MYO10: variants seen among roughly 807,000 people sequenced by gnomAD.
MYO10 encodes the protein unconventional myosin-X.
MYO10 carries 133 observed loss-of-function variants against 257.3 expected under a neutral mutation model. The ratio of observed to expected loss-of-function variants is 0.52; its 90% confidence interval spans 0.45 to 0.60. The LOEUF (loss-of-function observed/expected upper bound fraction) is 0.60, where lower values mean the gene tolerates loss of function less well. MYO10 is among the 20% of genes least tolerant of loss of function. The probability of loss-of-function intolerance (pLI) is 0.00; values close to 1 mark genes in which losing one functional copy is unlikely to be tolerated. For synonymous variants in MYO10, 1,104 were observed against 1,028.6 expected, an observed-to-expected ratio of 1.07 and a Z score of -1.40; for missense variants, 2,399 against 2,635.7, an observed-to-expected ratio of 0.91 and a Z score of 1.97.
intron 2 of MYO10, among the ~76,000 whole-genome samples, chr5:16,874,095 G>A (rs1744523731): frequency 6.6e-6 from 1 of 152,136 alleles, no homozygotes; most frequent in Admixed American, 6.5e-5. Flanking sequence ...AACACTTTGG[G>A]AGGCCAACGT....
intron 2 of MYO10, among the ~76,000 whole-genome samples, chr5:16,849,970 A>AT (rs1461662993): frequency 6.6e-6 from 1 of 152,302 alleles, no homozygotes; most frequent in Admixed American, 6.5e-5. Flanking sequence ...GATGGCTTAG[A>AT]TTTTTCTTTA....
chr5:16,915,949 T>G (rs1745803116), intron 1 of MYO10: 4 of 420,512 alleles, frequency 9.5e-6, no homozygotes, highest in Non-Finnish European at 1.9e-5. Context: ...AGAGCGAGAC[T>G]CTACGTCAAA....
At chr5:16,803,410 T>A (rs568203504) in intron 3 of MYO10, among the ~76,000 whole-genome samples, 1 of 151,888 alleles carries the variant, frequency 6.6e-6, no homozygotes, top group South Asian at 2.1e-4. Context: ...CCTGACAGAG[T>A]GAGACCCTAT....
At chr5:16,791,501 A>C (rs113342530) in intron 4 of MYO10, among the ~76,000 whole-genome samples, 2 of 151,964 alleles carry the variant, frequency 1.3e-5, no homozygotes, top group African/African-American at 2.4e-5. Flanking sequence ...CCTTATTTTT[A>C]AATACCATGA....
intron 9 of MYO10, among the ~76,000 whole-genome samples, chr5:16,770,767 CT>C (rs144856705): frequency 3.3e-5 from 5 of 151,994 alleles, no homozygotes; most frequent in East Asian, 1.9e-4. Context: ...ATTTCTTTCC[CT>C]TTTTTTTGTT....
intron 2 of MYO10, among the ~76,000 whole-genome samples, chr5:16,874,344 C>CGGGGGGGGGG (rs61697249): frequency 7.0e-5 from 2 of 28,446 alleles, no homozygotes; most frequent in African/African-American, 1.0e-4. Flanking sequence ...AAAAAAAAAG[C>CGGGGGGGGGG]GGGGGGGGGG....
intron 2 of MYO10, among the ~76,000 whole-genome samples, chr5:16,821,002 TAA>T (rs1439884186): frequency 6.8e-6 from 1 of 147,634 alleles, no homozygotes; most frequent in African/African-American, 2.5e-5. Context: ...TCTTATATCT[TAA>T]GATACCTTAT....
rs1387847277 is a variant in MYO10 at position 16,853,314 on chromosome 5, C to A, written c.120+24295G>T. ...GCATGAACCCGAGAGGCGGAGCTTG[C>A]AGTGAGCTGAGATCGCGCCACTGCA... is the stretch of plus-strand genomic sequence containing the variant. On this transcript the variant is annotated intron_variant, in intron 2 of 40. Transcript: ENST00000513610. 2.0e-5 allele frequency among the ~76,000 whole-genome samples: 3 copies of A among 150,858 alleles called. No individual in the cohort carries two copies. The Admixed American group carries it at 2.0e-4, about 10-fold the overall frequency.
intron 1 of MYO10, among the ~76,000 whole-genome samples, chr5:16,918,800 C>A (rs1224861099): frequency 6.6e-6 from 1 of 152,092 alleles, no homozygotes; most frequent in Non-Finnish European, 1.5e-5. Context: ...CGCGCCTGGC[C>A]CACTGAAAGT....
At chr5:16,768,864 T>C (rs1364193497) in intron 10 of MYO10, among the ~76,000 whole-genome samples, 2 of 151,748 alleles carry the variant, frequency 1.3e-5, no homozygotes, top group African/African-American at 2.4e-5. Flanking sequence ...TTAGTAGAGA[T>C]GGGGTTTGGC....
At chr5:16,683,828 G>A (rs1486759920) in intron 30 of MYO10, 52 bp downstream of exon 30, 24 of 1,572,950 alleles carry the variant, frequency 1.5e-5, no homozygotes, top group Non-Finnish European at 1.8e-5. Context: ...AGACACCTGT[G>A]GACACACACA....
chr5:16,786,967 G>C (rs531137909), intron 4 of MYO10, among the ~76,000 whole-genome samples: 1 of 152,088 alleles, frequency 6.6e-6, no homozygotes, highest in Non-Finnish European at 1.5e-5. Flanking sequence ...TCAGGAGTTC[G>C]AGGCCAGCCT....
intron 3 of MYO10, among the ~76,000 whole-genome samples, chr5:16,808,646 C>G (rs574705662): frequency 6.6e-6 from 1 of 152,192 alleles, no homozygotes; most frequent in South Asian, 2.1e-4. Flanking sequence ...GACTAAAATT[C>G]TCTCCTGATT....
intron 19 of MYO10, among the ~76,000 whole-genome samples, chr5:16,748,012 C>A: frequency 6.7e-6 from 1 of 150,348 alleles, no homozygotes; most frequent in Admixed American, 6.6e-5. Context: ...ACATGGGACC[C>A]AAAATTCAAG....
Position 16,668,267 on chromosome 5 carries a change from T to TGC in MYO10, c.6075+8_6075+9dup. The TGC allele has an allele frequency of 6.3e-7, 1 of 1,594,838 alleles. No homozygotes were observed. On this transcript the variant is annotated intron_variant, in intron 40 of 40. Coordinates refer to ENST00000513610, the MANE Select transcript of MYO10 (RefSeq NM_012334.3). ...CATGAATAAAAAGATGAACTTGCTTTGCCTCTTACCTCACTGGTTTCAAAG... is the reference window on the plus strand; with the variant it reads ...CATGAATAAAAAGATGAACTTGCTTTGCGCCTCTTACCTCACTGGTTTCAAAG...
chr5:16,675,966 TAA>T, intron 34 of MYO10, 63 bp downstream of exon 34: 2 of 1,522,072 alleles, frequency 1.3e-6, no homozygotes, highest in Non-Finnish European at 1.8e-6. Flanking sequence ...TGTGTTAAGC[TAA>T]AGAGTTAGCA....
intron 4 of MYO10, among the ~76,000 whole-genome samples, chr5:16,790,902 TATATATATATAC>T (rs1485274170): frequency 4.3e-5 from 5 of 116,792 alleles, no homozygotes; most frequent in Non-Finnish European, 7.4e-5. Flanking sequence ...AATTTATATA[TATATATATATAC>T]ACACACACAC....
intron 18 of MYO10, among the ~76,000 whole-genome samples, chr5:16,756,129 G>A (rs1428960247): frequency 1.3e-5 from 2 of 152,134 alleles, no homozygotes; most frequent in Non-Finnish European, 2.9e-5. Context: ...CTGGAGTACA[G>A]TGGTGTGATC....
chr5:16,812,788 T>A (rs1413590992), intron 3 of MYO10, among the ~76,000 whole-genome samples: 1 of 152,212 alleles, frequency 6.6e-6, no homozygotes, highest in African/African-American at 2.4e-5. Flanking sequence ...TAAGAGGGAT[T>A]ATGATATCTG....
Sources: allele counts gnomAD v4.1 joint callset (sites outside exome capture counted in the v4.1 genomes callset), GRCh38; gene constraint gnomAD v4.1.1; transcripts MANE v1.5; gene names NCBI Gene and HGNC (gene_info 2026-07-23, HGNC 2026-07-21).